DBNDD1: variants seen among roughly 807,000 people sequenced by gnomAD.
DBNDD1 encodes the protein dysbindin domain containing 1, also known as dysbindin domain-containing protein 1.
In DBNDD1, 14 loss-of-function variants were observed where a neutral mutation model predicts 17.0. The observed-to-expected ratio is 0.82, with a 90% CI of 0.54 to 1.29. The LOEUF (loss-of-function observed/expected upper bound fraction) is 1.29, where lower values mean the gene tolerates loss of function less well. Among genes scored for constraint, DBNDD1 ranks in the 50% most tolerant of loss-of-function variants. DBNDD1 has a pLI of 0.00. For synonymous variants in DBNDD1, 105 were observed against 102.0 expected (o/e 1.03, Z -0.18); for missense variants, 221 against 216.2 (o/e 1.02, Z -0.14).
intron 1 of DBNDD1, among the ~76,000 whole-genome samples, chr16:90,012,574 G>A (rs1299361760): frequency 3.3e-5 from 5 of 149,984 alleles, no homozygotes; most frequent in Non-Finnish European, 5.9e-5. Flanking sequence ...ATTCTCCTGC[G>A]TCAGCCTTCC....
At position 90,004,901 on chromosome 16, in the gene DBNDD1, TG is replaced by T. The variant is rs1456777921; in HGVS notation, c.*1433del. ...ATGCGCAGTGATGCTTTAATCCCCCTGTTTGCAAACGAGCTCTGTGGAAGCT... is the reference window on the plus strand; with the variant it reads ...ATGCGCAGTGATGCTTTAATCCCCCTTTTGCAAACGAGCTCTGTGGAAGCT... On this transcript the variant is annotated 3_prime_UTR_variant, in exon 4 of 4. Transcript: ENST00000002501. 6.5e-6 allele frequency: 1 copy of T among 152,690 alleles called. No individual in the cohort carries two copies. The highest frequency in any genetic ancestry group is 2.4e-5 in the African/African-American group (1 of 41,432). 9.5% of individuals were successfully genotyped at this position (152,690 alleles called of 1,614,324 possible).
chr16:90,019,270 A>G lies in DBNDD1; in HGVS notation c.31+41T>C, dbSNP rs2035721134. The stretch of plus-strand genomic sequence containing the variant: ...GGAGGGGCTGCGGCTCGCTGCGGGG[A>G]AGCGCTGCGCGGGGGTCTCGGGGGC... On this transcript the variant is annotated intron_variant, in intron 1 of 3. Coordinates refer to ENST00000002501, the MANE Select transcript of DBNDD1 (RefSeq NM_001042610.3). This position sits in a 1 kb window ranked among gnomAD's most constrained non-coding sequence, Gnocchi z 6.1. The G allele has an allele frequency of 8.8e-7, 1 of 1,138,650 alleles. No homozygotes were observed. The highest frequency in any genetic ancestry group is 1.1e-6 in the Non-Finnish European group (1 of 906,608). The allele number at this position is 1,138,650 out of a possible 1,614,324, so 70.5% of individuals were successfully genotyped here. A position where few individuals can be genotyped will look rare whatever the true frequency, so the allele number is the denominator to read the frequency against.
At chr16:90,008,751 C>A (rs766949316) in intron 3 of DBNDD1, 33 bp downstream of exon 3, 1 of 1,577,812 alleles carries the variant, frequency 6.3e-7, no homozygotes, top group South Asian at 1.1e-5. Context: ...CCACCAGGCA[C>A]ACCTCCCAGC....
At chr16:90,009,690 G>T (rs1409725052) in intron 1 of DBNDD1, 2 of 633,214 alleles carry the variant, frequency 3.2e-6, no homozygotes, top group African/African-American at 3.7e-5. Flanking sequence ...ATCACCTTTG[G>T]TACGCAAGCA....
At chr16:90,016,102 G>C (rs913695998) in intron 1 of DBNDD1, among the ~76,000 whole-genome samples, 1 of 152,226 alleles carries the variant, frequency 6.6e-6, no homozygotes, top group African/African-American at 2.4e-5. Context: ...CACATACACT[G>C]TGAGTCGGCC....
intron 1 of DBNDD1, among the ~76,000 whole-genome samples, chr16:90,018,204 A>G (rs1399031965): frequency 1.3e-5 from 2 of 152,214 alleles, no homozygotes; most frequent in African/African-American, 4.8e-5. Flanking sequence ...ATGTCCACAA[A>G]GCTGCTACTG....
At chr16:90,009,463 C>G (rs1249155768) in intron 1 of DBNDD1, 33 bp from the exon 2 acceptor site, 22 of 1,603,656 alleles carry the variant, frequency 1.4e-5, no homozygotes, top group Non-Finnish European at 1.9e-5. Flanking sequence ...ACCTTGAGAT[C>G]CACAGGGCTC....
intron 1 of DBNDD1, among the ~76,000 whole-genome samples, chr16:90,015,929 G>A (rs1441159187): frequency 6.6e-6 from 1 of 152,186 alleles, no homozygotes; most frequent in African/African-American, 2.4e-5. Context: ...TAGTGGTGGT[G>A]ACTGCACAAT....
intron 1 of DBNDD1, among the ~76,000 whole-genome samples, chr16:90,017,946 GA>G (rs1277003130): frequency 6.6e-6 from 1 of 152,264 alleles, no homozygotes; most frequent in African/African-American, 2.4e-5. Flanking sequence ...GATGGGCTCA[GA>G]AACTGAACCT....
rs1473703150 is a variant in DBNDD1 at position 90,009,405 on chromosome 16, C to CGG, written c.55_56dup (p.Gln20ArgfsTer44). The stretch of plus-strand genomic sequence containing the variant: ...GGGCTGGGACGCCCAGCGCAGCCTG[C>CGG]GGCACCTCAGCCTCCTTAACGATCT... On this transcript the variant is annotated frameshift_variant, in exon 2 of 4. Coordinates refer to ENST00000002501, the MANE Select transcript of DBNDD1 (RefSeq NM_001042610.3). LOFTEE classifies it high-confidence loss of function. 6.2e-7 allele frequency: 1 copy of CGG among 1,612,344 alleles called. No individual in the cohort carries two copies. The highest frequency in any genetic ancestry group is 8.5e-7 in the Non-Finnish European group (1 of 1,180,010).
Position 90,006,379 on chromosome 16 carries a change from C to A in DBNDD1, c.433G>T (p.Val145Phe), listed in dbSNP as rs1567831461. Residue 145 changes from valine (V) to phenylalanine (F), a missense_variant, in exon 4 of 4, where the codon GTC (valine) becomes TTC (phenylalanine). Val to Phe is a conservative substitution (Grantham distance 50). Transcript: ENST00000002501. ...PLGDPERQAT[V>F]LDTFLTVERP... ...TCCACAGTGAGAAACGTGTCCAGGA[C>A]TGTGGCCTGCCGCTCGGGGTCGCCT... 6.2e-7 allele frequency: 1 copy of A among 1,608,860 alleles called. No homozygotes were observed. Among genetic ancestry groups the A allele is most frequent in the Admixed American group, 1.7e-5 (1 of 59,910 alleles).
At position 90,006,487 on chromosome 16, in the gene DBNDD1, G is replaced by A. The variant is rs762036625; in HGVS notation, c.325C>T (p.His109Tyr). ...AGGTAGCCGGCCCGGGGCAGCGGGTGCAGACCTAGGGGCATGCGGGAAGGG... is the reference window on the plus strand; with the variant it reads ...AGGTAGCCGGCCCGGGGCAGCGGGTACAGACCTAGGGGCATGCGGGAAGGG... Reference protein sequence around the residue: ...NLNTESPAGLHPLPRAGYLRS... With the variant: ...NLNTESPAGLYPLPRAGYLRS... Residue 109 changes from histidine to tyrosine, a missense_variant, in exon 4 of 4, where the codon CAC (histidine) becomes TAC (tyrosine). Coordinates refer to ENST00000002501, the MANE Select transcript of DBNDD1 (RefSeq NM_001042610.3). The A allele has an allele frequency of 1.3e-6, 2 of 1,598,010 alleles. No homozygotes were observed. Among genetic ancestry groups the A allele is most frequent in the Non-Finnish European group, 1.7e-6 (2 of 1,179,638 alleles).
At chr16:90,007,854 G>T in intron 3 of DBNDD1, 1 of 123,764 alleles carries the variant, frequency 8.1e-6, no homozygotes, top group Admixed American at 8.7e-5. Context: ...TAAAACACAC[G>T]CACACCTCCC....
chr16:90,007,374 CGGA>C (rs1284058775), intron 3 of DBNDD1: 1 of 152,448 alleles, frequency 6.6e-6, no homozygotes, highest in African/African-American at 2.4e-5. Context: ...CTGTCCCATG[CGGA>C]GAAGGCTCGG....
intron 2 of DBNDD1, 115 bp downstream of exon 2, chr16:90,009,169 G>C: frequency 6.9e-7 from 1 of 1,456,662 alleles, no homozygotes; most frequent in Non-Finnish European, 9.1e-7. Flanking sequence ...AGCACACAGC[G>C]CCGGACCTAG....
intron 1 of DBNDD1, among the ~76,000 whole-genome samples, chr16:90,010,437 G>A (rs1216395583): frequency 6.9e-6 from 1 of 145,736 alleles, no homozygotes; most frequent in Non-Finnish European, 1.5e-5. Context: ...GCGCGATCTC[G>A]GCTCATTGCA....
At chr16:90,011,465 T>C in intron 1 of DBNDD1, 1 of 347,904 alleles carries the variant, frequency 2.9e-6, no homozygotes, top group South Asian at 2.2e-5. Context: ...GGCAGTGTGG[T>C]TGTGGGCAGG....
rs2035528089 is a variant in DBNDD1, at chr16:90,010,258, C to G, written c.32-828G>C. 4 of 472,764 alleles carry G rather than the reference C, an allele frequency of 8.5e-6. No individual in the cohort carries two copies. The South Asian group carries it at 9.8e-5, about 12-fold the overall frequency. The allele number at this position is 472,764 out of a possible 1,614,324, so 29.3% of individuals were successfully genotyped here. A position where few individuals can be genotyped will look rare whatever the true frequency, so the allele number is the denominator to read the frequency against. ...ACGGGGTTTCACCATGTTGGCCAGG[C>G]TGAACTCCTGACCTCAGGTGATCCG... On this transcript the variant is annotated intron_variant, in intron 1 of 3. Transcript: ENST00000002501.
rs759483783 is a variant in DBNDD1, at chr16:90,006,401, G to A, written c.411C>T (p.Gly137=). ...GGACTGTGGCCTGCCGCTCGGGGTCGCCTAGGGGCTGCTTCTCGTGGCTCT... is the reference window on the plus strand; with the variant it reads ...GGACTGTGGCCTGCCGCTCGGGGTCACCTAGGGGCTGCTTCTCGTGGCTCT... ...AEQSHEKQPL[G]DPERQATVLD... is the part of the protein sequence containing the mutation. The change falls in exon 4 of 4, where the codon GGC becomes GGT. Residue 137 remains glycine, a synonymous_variant. Coordinates refer to ENST00000002501, the MANE Select transcript of DBNDD1 (RefSeq NM_001042610.3). 36 of 1,606,352 alleles carry A rather than the reference G, an allele frequency of 2.2e-5. No individual in the cohort carries two copies. The highest frequency in any genetic ancestry group is 1.2e-4 in the Admixed American group (7 of 59,938).
Sources: gnomAD v4.1 joint callset for allele counts (sites outside exome capture counted in the v4.1 genomes callset) on GRCh38, gnomAD v4.1.1 for gene constraint, Gnocchi (gnomAD v3.1) non-coding constraint, MANE v1.5 for transcripts, NCBI Gene and HGNC (gene_info 2026-07-23, HGNC 2026-07-21) for gene names.